Variants in LRRC27 observed in about 807,000 individuals in gnomAD.
The protein encoded by LRRC27 is leucine rich repeat containing 27, also known as leucine-rich repeat-containing protein 27.
Under a neutral mutation model 55.0 loss-of-function variants are expected in LRRC27, and 57 were observed. The ratio of observed to expected loss-of-function variants is 1.04; its 90% CI spans 0.84 to 1.29. The LOEUF (loss-of-function observed/expected upper bound fraction) is 1.29. LRRC27 is among the 50% of genes most tolerant of loss of function. The pLI, the probability that LRRC27 is intolerant of heterozygous loss-of-function variation, is 0.00. For missense variants in LRRC27, 721 were observed against 651.5 expected (o/e 1.11, Z -1.16); for synonymous variants, 278 against 251.9 (o/e 1.10, Z -0.98).
chr10:132,365,500 G>T lies in LRRC27; in HGVS notation c.1366G>T (p.Gly456Cys), dbSNP rs751258702. ...AATGCGTGAGCAAAGAAGATTCCAT[G>T]GCCAGGCCCCACTGGAGGAGATGAG... ...LQMREQRRFH[G>C]QAPLEEMRKA... The change falls in exon 10 of 11, where the codon GGC (glycine) becomes TGC (cysteine). Residue 456 changes from glycine (G) to cysteine (C), a missense_variant. Physicochemically the swap from Gly to Cys is radical, Grantham distance 159. Transcript: ENST00000368614. The T allele has an allele frequency of 6.2e-7, 1 of 1,613,706 alleles. No homozygotes were observed. Among genetic ancestry groups the T allele is most frequent in the Non-Finnish European group, 8.5e-7 (1 of 1,179,982 alleles).
chr10:132,367,038 C>A, intron 10 of LRRC27: 1 of 1,101,398 alleles, frequency 9.1e-7, no homozygotes, highest in Non-Finnish European at 1.1e-6. Flanking sequence ...CCTTGGACAC[C>A]CAAACCCTGC....
intron 7 of LRRC27, among the ~76,000 whole-genome samples, chr10:132,352,168 GGCAGGC>G (rs2068065460): frequency 1.1e-5 from 1 of 92,012 alleles, no homozygotes; most frequent in African/African-American, 3.6e-5. Flanking sequence ...CTCCGTGTGG[GGCAGGC>G]GCTGAGGCCT....
chr10:132,351,787 C>T (rs2261222), intron 7 of LRRC27, 34 bp downstream of exon 7: 10 of 1,575,940 alleles, frequency 6.3e-6, no homozygotes, highest in Middle Eastern at 1.7e-4. Context: ...CCGCACAGCC[C>T]GCCCAGTGCA....
intron 3 of LRRC27, among the ~76,000 whole-genome samples, chr10:132,338,698 T>TTTTC: frequency 6.6e-6 from 1 of 151,514 alleles, no homozygotes; most frequent in African/African-American, 2.4e-5. Context: ...ACTCTTTTTC[T>TTTTC]TTTCTTTCTT....
At chr10:132,346,813 AC>A (rs1487183511) in intron 5 of LRRC27, among the ~76,000 whole-genome samples, 2 of 128,770 alleles carry the variant, frequency 1.6e-5, no homozygotes, top group Non-Finnish European at 3.3e-5. Flanking sequence ...AGTCACTTGT[AC>A]CCCAGGGGGA....
chr10:132,365,681 A>G (rs1206326424), intron 10 of LRRC27, 131 bp downstream of exon 10: 26 of 1,118,042 alleles, frequency 2.3e-5, no homozygotes, highest in Non-Finnish European at 2.8e-5. Context: ...GGCTCCCTGC[A>G]GCCTCCACCT....
chr10:132,356,704 G>T (rs568961169), intron 8 of LRRC27, among the ~76,000 whole-genome samples: 1 of 152,270 alleles, frequency 6.6e-6, no homozygotes. Flanking sequence ...GACTGTATGA[G>T]GGTCTTAGTC....
In LRRC27 at chr10:132,366,757, C is replaced by T. The variant is rs544813792; in HGVS notation, c.1416+1207C>T. 5 of 1,035,638 alleles carry T rather than the reference C, an allele frequency of 4.8e-6. No individual in the cohort carries two copies. In the South Asian group the frequency reaches 5.2e-5, roughly 11 times the overall value. 64.2% of individuals were successfully genotyped at this position (1,035,638 alleles called of 1,614,324 possible). A position where few individuals can be genotyped will look rare whatever the true frequency, so the allele number is the denominator to read the frequency against. Reference sequence around the variant, plus strand: ...GCCCCCAGAGCACGCAGCACTGTCACGGGGGAGGAAGCAACCCTGGCCTTC... The same window carrying T: ...GCCCCCAGAGCACGCAGCACTGTCATGGGGGAGGAAGCAACCCTGGCCTTC... On this transcript the variant is annotated intron_variant, in intron 10 of 10. Coordinates refer to ENST00000368614, the MANE Select transcript of LRRC27 (RefSeq NM_030626.3).
chr10:132,337,318 A>G, intron 2 of LRRC27: 1 of 1,308,352 alleles, frequency 7.6e-7, no homozygotes, highest in Admixed American at 3.7e-5. Context: ...TCAGCAGCAG[A>G]GTGCCGGCTC....
At chr10:132,341,303 G>A (rs539579771) in intron 3 of LRRC27, among the ~76,000 whole-genome samples, 26 of 151,632 alleles carry the variant, frequency 1.7e-4, no homozygotes, top group African/African-American at 5.3e-4. Flanking sequence ...CCCAGGAGGC[G>A]GAGGTTGCAG....
rs2474329 is a variant in LRRC27 at position 132,348,013 on chromosome 10, C to G, written c.583C>G (p.Arg195Gly). The change falls in exon 6 of 11, where the codon CGT becomes GGT. Residue 195 changes from arginine to glycine, a missense_variant. Physicochemically the swap from Arg to Gly is moderately radical, Grantham distance 125 (BLOSUM62 -2). Coordinates refer to ENST00000368614, the MANE Select transcript of LRRC27 (RefSeq NM_030626.3). This position sits in a 1 kb window ranked among gnomAD's most constrained non-coding sequence, Gnocchi z 4.2. ...TCCACCGGTTAGAGAGATGACCCTC[C>G]GTGACCTCCCGAGCCCAGGACTGGA... is the stretch of plus-strand genomic sequence containing the variant. Reference protein sequence around the residue: ...EAPPVREMTLRDLPSPGLELS... With the variant: ...EAPPVREMTLGDLPSPGLELS... 1 of 1,611,292 alleles carries G rather than the reference C, an allele frequency of 6.2e-7. No individual in the cohort carries two copies. The highest frequency in any genetic ancestry group is 8.5e-7 in the Non-Finnish European group (1 of 1,179,112).
At chr10:132,332,805 G>A (rs1445953728) in intron 1 of LRRC27, among the ~76,000 whole-genome samples, 1 of 152,118 alleles carries the variant, frequency 6.6e-6, no homozygotes, top group East Asian at 1.9e-4. Flanking sequence ...GGGCTGTTGA[G>A]TGACTTGAAT....
rs371634054 is a variant in LRRC27, at chr10:132,355,896, G to C, written c.1170+10G>C. 1 of 1,546,030 alleles carries C rather than the reference G, an allele frequency of 6.5e-7. No homozygotes were observed. The highest frequency in any genetic ancestry group is 2.0e-5 in the Admixed American group (1 of 50,938). Reference sequence around the variant, plus strand: ...TCCGCGGAGGAGCATGGTACGGCACGCGCGGGCGGTGACCGGGCACTAGTC... The same window carrying C: ...TCCGCGGAGGAGCATGGTACGGCACCCGCGGGCGGTGACCGGGCACTAGTC... On this transcript the variant is annotated intron_variant, in intron 8 of 10. Coordinates refer to ENST00000368614, the MANE Select transcript of LRRC27 (RefSeq NM_030626.3).
intron 8 of LRRC27, 91 bp downstream of exon 8, chr10:132,355,977 G>A (rs907691233): frequency 1.5e-5 from 13 of 879,182 alleles, no homozygotes; most frequent in Non-Finnish European, 1.8e-5. Flanking sequence ...AGGATGAGCC[G>A]AGACCTGGGG....
At chr10:132,339,523 G>T (rs1479331490) in intron 3 of LRRC27, among the ~76,000 whole-genome samples, 1 of 152,182 alleles carries the variant, frequency 6.6e-6, no homozygotes, top group Non-Finnish European at 1.5e-5. Context: ...AGTGTTCCGG[G>T]GCTCAGCTGG....
At chr10:132,344,727 T>C in intron 5 of LRRC27, 77 bp downstream of exon 5, 1 of 1,502,620 alleles carries the variant, frequency 6.7e-7, no homozygotes, top group Non-Finnish European at 9.2e-7. Context: ...AGAACCTGTC[T>C]TCTCTTTAAT....
At chr10:132,330,847 A>C (rs566742746), upstream of LRRC27, among the ~76,000 whole-genome samples, 2 of 151,966 alleles carry the variant, frequency 1.3e-5, no homozygotes, top group Non-Finnish European at 2.9e-5. Context: ...TCACAAAAAT[A>C]AAACGTAAAT....
At chr10:132,353,387 C>T (rs957321395) in intron 7 of LRRC27, 25 of 1,047,582 alleles carry the variant, frequency 2.4e-5, no homozygotes, top group Non-Finnish European at 2.7e-5. Context: ...AATAAACCCT[C>T]CTGAAGCCAC....
intron 5 of LRRC27, among the ~76,000 whole-genome samples, chr10:132,347,650 G>A (rs2067778488): frequency 6.6e-6 from 1 of 150,478 alleles, no homozygotes; most frequent in Admixed American, 6.6e-5. Context: ...GTGGGGCCTG[G>A]TGGGGCCTGC....
Sources: allele counts gnomAD v4.1 joint callset (sites outside exome capture counted in the v4.1 genomes callset), GRCh38; gene constraint gnomAD v4.1.1; non-coding constraint Gnocchi (gnomAD v3.1); transcripts MANE v1.5; gene names NCBI Gene and HGNC (gene_info 2026-07-23, HGNC 2026-07-21).